RSPO2: variants seen among roughly 807,000 people sequenced by gnomAD.
The protein encoded by RSPO2 is R-spondin-2.
RSPO2 carries 14 observed loss-of-function variants against 30.9 expected under a neutral mutation model. That is an observed-to-expected ratio of 0.45 (90% CI 0.30 to 0.71). RSPO2 has a LOEUF of 0.71. Among genes scored for constraint, RSPO2 ranks in the 30% least tolerant of loss-of-function variants. The pLI is 0.08. For missense variants in RSPO2, 264 were observed against 301.9 expected, an observed-to-expected ratio of 0.87 and a Z score of 0.93; for synonymous variants, 107 against 96.4, an observed-to-expected ratio of 1.11 and a Z score of -0.64.
At chr8:107,978,033 T>A (rs1814278076) in intron 3 of RSPO2, among the ~76,000 whole-genome samples, 1 of 152,070 alleles carries the variant, frequency 6.6e-6, no homozygotes, top group Non-Finnish European at 1.5e-5. Context: ...CCTGAACTCC[T>A]TTTGCTATCT....
At chr8:107,997,636 T>C (rs1003057841) in intron 2 of RSPO2, among the ~76,000 whole-genome samples, 1 of 152,128 alleles carries the variant, frequency 6.6e-6, no homozygotes, top group African/African-American at 2.4e-5. Context: ...AGAAAAACCA[T>C]GAGACTGAAA....
rs1239400116 is a variant in RSPO2 at position 108,047,537 on chromosome 8, A to G, written c.94+35008T>C. The stretch of plus-strand genomic sequence containing the variant: ...GCTGAGCAGTGCTTCTATTCATTCA[A>G]TTGAAGTGGATGCCTTTTGGAAGCC... On this transcript the variant is annotated intron_variant, in intron 2 of 5. Coordinates refer to ENST00000276659, the MANE Select transcript of RSPO2 (RefSeq NM_178565.5). Among the ~76,000 whole-genome samples, 7 of 152,162 alleles carry G rather than the reference A, an allele frequency of 4.6e-5. No homozygotes were observed. The East Asian group carries it at 9.6e-4, about 21-fold the overall frequency.
rs1052690209 is a variant in RSPO2, at chr8:107,900,037, G to A, written c.*1038C>T. 1 of 151,974 alleles carries A rather than the reference G, an allele frequency of 6.6e-6. No individual in the cohort carries two copies. Among genetic ancestry groups the A allele is most frequent in the African/African-American group, 2.4e-5 (1 of 41,354 alleles). 9.4% of individuals were successfully genotyped at this position (151,974 alleles called of 1,614,324 possible). On this transcript the variant is annotated 3_prime_UTR_variant, in exon 6 of 6. Coordinates refer to ENST00000276659, the MANE Select transcript of RSPO2 (RefSeq NM_178565.5). Reference sequence around the variant, plus strand: ...GCTTTAAATTTGGGGGAAAAAAATTGCAGTCAGAAATAATGTTTGTTTGGA... The same window carrying A: ...GCTTTAAATTTGGGGGAAAAAAATTACAGTCAGAAATAATGTTTGTTTGGA...
In RSPO2 at chr8:108,045,242, T is replaced by C. The variant is rs929327372; in HGVS notation, c.94+37303A>G. Among the ~76,000 whole-genome samples, 5 of 151,586 alleles carry C rather than the reference T, an allele frequency of 3.3e-5. No individual in the cohort carries two copies. In the East Asian group the frequency reaches 9.7e-4, roughly 29 times the overall value. ...AAACAATTTAACAAGAAAAAACAAATAACTCCATTAAAAAATGGGCAAAGG... is the reference window on the plus strand; with the variant it reads ...AAACAATTTAACAAGAAAAAACAAACAACTCCATTAAAAAATGGGCAAAGG... On this transcript the variant is annotated intron_variant, in intron 2 of 5. Transcript: ENST00000276659.
intron 2 of RSPO2, among the ~76,000 whole-genome samples, chr8:108,059,186 G>A (rs35200632): frequency 0.22 from 32,726 of 151,240 alleles, 3,842 homozygotes; most frequent in East Asian, 0.43. Flanking sequence ...AAAAGTGGGC[G>A]AAGGACATGA....
At chr8:107,927,825 C>T (rs1291168510) in intron 5 of RSPO2, among the ~76,000 whole-genome samples, 3 of 151,908 alleles carry the variant, frequency 2.0e-5, no homozygotes, top group Non-Finnish European at 4.4e-5. Context: ...ATTTTTGTAT[C>T]GATGTTCATC....
chr8:107,944,378 T>A (rs1371763893), intron 5 of RSPO2, among the ~76,000 whole-genome samples: 1 of 152,172 alleles, frequency 6.6e-6, no homozygotes, highest in Non-Finnish European at 1.5e-5. Context: ...AATTTGTATA[T>A]CTAAATGAAA....
Position 107,983,969 on chromosome 8 carries a change from T to C in RSPO2, c.283+5087A>G. On this transcript the variant is annotated intron_variant, in intron 3 of 5. Coordinates refer to ENST00000276659, the MANE Select transcript of RSPO2 (RefSeq NM_178565.5). Reference sequence around the variant, plus strand: ...TATTCTGAAAGGATTTATGAATAATTGAAATAGAAGGCCACCAAAAGGGGA... The same window carrying C: ...TATTCTGAAAGGATTTATGAATAATCGAAATAGAAGGCCACCAAAAGGGGA... 2.3e-6 allele frequency: 2 copies of C among 871,568 alleles called. 1 individual carries two copies. Among genetic ancestry groups the C allele is most frequent in the South Asian group, 3.5e-5 (2 of 57,118 alleles). The allele number at this position is 871,568 out of a possible 1,614,324, so 54.0% of individuals were successfully genotyped here. A position where few individuals can be genotyped will look rare whatever the true frequency, so the allele number is the denominator to read the frequency against.
chr8:107,906,367 TTTTTA>T (rs56682898), intron 5 of RSPO2, among the ~76,000 whole-genome samples: 5 of 27,714 alleles, frequency 1.8e-4, no homozygotes, highest in East Asian at 5.7e-3. Context: ...ATATTTTATA[TTTTTA>T]TTTTAGAAAT....
chr8:108,071,422 T>C (rs959779687), intron 2 of RSPO2, among the ~76,000 whole-genome samples: 14 of 152,126 alleles, frequency 9.2e-5, no homozygotes, highest in Admixed American at 5.2e-4. Flanking sequence ...TAATAGTGCT[T>C]CTGGGAACGA....
In RSPO2 at chr8:107,913,259, G is replaced by A. The variant is rs201702317; in HGVS notation, c.617-12069C>T. Among the ~76,000 whole-genome samples, 5 of 152,176 alleles carry A rather than the reference G, an allele frequency of 3.3e-5. No individual in the cohort carries two copies. The East Asian group carries it at 9.7e-4, about 29-fold the overall frequency. On this transcript the variant is annotated intron_variant, in intron 5 of 5. Coordinates refer to ENST00000276659, the MANE Select transcript of RSPO2 (RefSeq NM_178565.5). Reference sequence around the variant, plus strand: ...AAATATAATCCTGAGTGGGAGGAGAGGAAGGAAATGGCCAATGTTACTCTC... The same window carrying A: ...AAATATAATCCTGAGTGGGAGGAGAAGAAGGAAATGGCCAATGTTACTCTC...
intron 5 of RSPO2, among the ~76,000 whole-genome samples, chr8:107,926,483 A>G (rs1211456625): frequency 2.0e-5 from 3 of 152,136 alleles, no homozygotes; most frequent in African/African-American, 7.2e-5. Context: ...GCCCATGCCT[A>G]TGTCCAGAAT....
At chr8:107,978,865 G>T (rs1322933947) in intron 3 of RSPO2, among the ~76,000 whole-genome samples, 1 of 152,252 alleles carries the variant, frequency 6.6e-6, no homozygotes, top group East Asian at 1.9e-4. Flanking sequence ...CAAAAAGTGG[G>T]CAAAGGATAT....
At chr8:108,063,804 C>T (rs1166605787) in intron 2 of RSPO2, among the ~76,000 whole-genome samples, 1 of 152,168 alleles carries the variant, frequency 6.6e-6, no homozygotes, top group Admixed American at 6.5e-5. Flanking sequence ...GTAACCAAAA[C>T]AGCATGGTAC....
At chr8:107,940,188 A>G (rs941598999) in intron 5 of RSPO2, among the ~76,000 whole-genome samples, 1 of 152,066 alleles carries the variant, frequency 6.6e-6, no homozygotes, top group African/African-American at 2.4e-5. Context: ...GCTGAGGGCT[A>G]GTTCTTAAAT....
intron 2 of RSPO2, among the ~76,000 whole-genome samples, chr8:108,069,178 ATTG>A (rs1325950125): frequency 6.6e-6 from 1 of 151,342 alleles, no homozygotes; most frequent in East Asian, 1.9e-4. Context: ...CTATTCTTCC[ATTG>A]TTGGTGCATG....
At chr8:108,049,503 G>T (rs898321196) in intron 2 of RSPO2, among the ~76,000 whole-genome samples, 2 of 151,712 alleles carry the variant, frequency 1.3e-5, no homozygotes, top group Non-Finnish European at 2.9e-5. Flanking sequence ...CATTATCTAG[G>T]TTTTAAGCCC....
rs1248833600 is a variant in RSPO2, at chr8:107,945,239, AC to A, written c.616+12840del. On this transcript the variant is annotated intron_variant, in intron 5 of 5. Transcript: ENST00000276659. ...ATTTATCTCCTGAGTTCATTCTTTT[AC>A]CTTTTTTTTTTTTTTTTTTTTTTTT... 3.1e-5 allele frequency among the ~76,000 whole-genome samples: 3 copies of A among 97,312 alleles called. No individual in the cohort carries two copies. The East Asian group carries it at 1.0e-3, about 33-fold the overall frequency. The allele number at this position is 97,312 out of a possible 152,430, so 63.8% of individuals were successfully genotyped here.
rs544784027 is a variant in RSPO2, at chr8:108,016,721, G to C, written c.95-27477C>G. Among the ~76,000 whole-genome samples the C allele has an allele frequency of 3.3e-5, 5 of 152,192 alleles. No individual in the cohort carries two copies. The East Asian group carries it at 9.7e-4, about 30-fold the overall frequency. On this transcript the variant is annotated intron_variant, in intron 2 of 5. Coordinates refer to ENST00000276659, the MANE Select transcript of RSPO2 (RefSeq NM_178565.5). ...GTGTTGTTGGAGGTGGGGCCTAGTG[G>C]GCGGTACAGATTCTTCATGGCTTGG... is the stretch of plus-strand genomic sequence containing the variant.
Sources: allele counts gnomAD v4.1 joint callset (sites outside exome capture counted in the v4.1 genomes callset), GRCh38; gene constraint gnomAD v4.1.1; transcripts MANE v1.5; gene names NCBI Gene and HGNC (gene_info 2026-07-23, HGNC 2026-07-21).